PDZD4: variants seen among roughly 807,000 people sequenced by gnomAD.
PDZD4 encodes the protein PDZ domain-containing protein 4.
A neutral mutation model predicts 38.5 loss-of-function variants in PDZD4; 9 were observed. The observed-to-expected ratio is 0.23, with a 90% CI of 0.14 to 0.41. The LOEUF (loss-of-function observed/expected upper bound fraction) is 0.41. Ranked by LOEUF, PDZD4 falls within the 10% of genes least tolerant of loss-of-function variation. The pLI, the probability that PDZD4 is intolerant of heterozygous loss-of-function variation, is 1.00. For synonymous variants in PDZD4, 349 were observed against 315.7 expected (o/e 1.11, Z -1.12); for missense variants, 612 against 722.0 (o/e 0.85, Z 1.75).
At position 153,803,452 on chromosome X, in the gene PDZD4, C is replaced by T. The variant is rs2092187816; in HGVS notation, c.2229G>A (p.Leu743=). 2.6e-6 allele frequency: 3 copies of T among 1,154,239 alleles called. No homozygotes were observed. The highest frequency in any genetic ancestry group is 2.3e-6 in the Non-Finnish European group (2 of 867,582). ...KTMKKRNKKI[L]DNWITIQEML... Reference sequence around the variant, plus strand: ...TCTCCTGGATGGTGATCCAGTTGTCCAGGATCTTCTTGTTCCGCTTCTTCA... The same window carrying T: ...TCTCCTGGATGGTGATCCAGTTGTCTAGGATCTTCTTGTTCCGCTTCTTCA... The change falls in exon 8 of 8, where the codon CTG becomes CTA. Residue 743 remains leucine (L), a synonymous_variant. Transcript: ENST00000393758.
rs1292057825 is a variant in PDZD4, at chrX:153,806,765, C to T, written c.481G>A (p.Asp161Asn). 3 of 1,209,448 alleles carry T rather than the reference C, an allele frequency of 2.5e-6. No homozygotes were observed. Among genetic ancestry groups the T allele is most frequent in the Non-Finnish European group, 2.2e-6 (2 of 894,933 alleles). Reference sequence around the variant, plus strand: ...ACCTCTCCGACATAAATGCCCAGGTCCTCCTCGTCGTCCGTGCGGTAGCAA... The same window carrying T: ...ACCTCTCCGACATAAATGCCCAGGTTCTCCTCGTCGTCCGTGCGGTAGCAA... ...MVCYRTDDEE[D>N]LGIYVGEVNP... The change falls in exon 4 of 8, where the codon GAC (aspartate) becomes AAC (asparagine). Residue 161 changes from aspartate to asparagine, a missense_variant. By Grantham distance (23) the Asp-to-Asn change is conservative. This residue lies in a region of PDZD4 where 225 missense variants were observed against 311.0 expected (regional missense o/e 0.72). Transcript: ENST00000393758.
chrX:153,808,084 C>T, intron 2 of PDZD4: 1 of 1,063,582 alleles, frequency 9.4e-7, no homozygotes, highest in Non-Finnish European at 1.2e-6. Context: ...AGCTGAGGCC[C>T]TCAACCCTGG....
intron 1 of PDZD4, among the ~76,000 whole-genome samples, chrX:153,825,120 G>A (rs1258084284): frequency 8.9e-6 from 1 of 112,896 alleles, no homozygotes; most frequent in Non-Finnish European, 1.9e-5. Flanking sequence ...GGGCTCACAT[G>A]CAGGTGCTTT....
chrX:153,830,408 C>G lies in PDZD4; in HGVS notation c.-110G>C. ...CGGGGCCAGGGGCCATACCCTGGCG[C>G]GGGGGGCGGGCCGCCTAGCGGGGGA... On this transcript the variant is annotated 5_prime_UTR_variant, in exon 1 of 8. Coordinates refer to ENST00000393758, the MANE Select transcript of PDZD4 (RefSeq NM_001303512.2). The G allele has an allele frequency of 2.6e-4, 108 of 411,976 alleles. No individual in the cohort carries two copies. Among genetic ancestry groups the G allele is most frequent in the Non-Finnish European group, 3.2e-4 (84 of 266,620 alleles). The allele number at this position is 411,976 out of a possible 1,213,427, so 34.0% of individuals were successfully genotyped here.
Position 153,803,662 on chromosome X carries a change from C to T in PDZD4, c.2019G>A (p.Val673=), listed in dbSNP as rs1557075401. ...AGTAGCGGCCCATCTTCATCTCGCTCACCGCGTCGTCGTCGGTCGTCATAC... is the reference window on the plus strand; with the variant it reads ...AGTAGCGGCCCATCTTCATCTCGCTTACCGCGTCGTCGTCGGTCGTCATAC... The part of the protein sequence containing the change: ...RSGMTTDDDA[V]SEMKMGRYWS... The change falls in exon 8 of 8, where the codon GTG becomes GTA. Residue 673 remains valine, a synonymous_variant. Coordinates refer to ENST00000393758, the MANE Select transcript of PDZD4 (RefSeq NM_001303512.2). 8.3e-7 allele frequency: 1 copy of T among 1,210,491 alleles called. No homozygotes were observed. Among genetic ancestry groups the T allele is most frequent in the East Asian group, 3.0e-5 (1 of 33,833 alleles).
At chrX:153,823,243 G>T (rs1257664564) in intron 1 of PDZD4, among the ~76,000 whole-genome samples, 1 of 103,941 alleles carries the variant, frequency 9.6e-6, no homozygotes, top group South Asian at 4.5e-4. Flanking sequence ...ATTTTTTTTT[G>T]AGATGGAGTT....
At chrX:153,819,749 G>A (rs1259160636) in intron 1 of PDZD4, among the ~76,000 whole-genome samples, 1 of 112,420 alleles carries the variant, frequency 8.9e-6, no homozygotes, top group Non-Finnish European at 1.9e-5. Context: ...AGAGGAGAAA[G>A]GAGAAGCCGC....
chrX:153,819,145 G>C (rs1191042640), intron 1 of PDZD4, among the ~76,000 whole-genome samples: 2 of 112,775 alleles, frequency 1.8e-5, no homozygotes, highest in Non-Finnish European at 3.8e-5. Flanking sequence ...GCGGGAGCAG[G>C]GCGGACCACA....
At chrX:153,805,325 C>T (rs2092209764) in intron 6 of PDZD4, 118 bp from the exon 7 acceptor site, 2 of 744,437 alleles carry the variant, frequency 2.7e-6, no homozygotes, top group Non-Finnish European at 4.0e-6. Flanking sequence ...CTGGGGGCAG[C>T]GTCCCAGCCC....
rs782601568 is a variant in PDZD4, at chrX:153,815,661, G to A, written c.61-7066C>T. On this transcript the variant is annotated intron_variant, in intron 1 of 7. Transcript: ENST00000393758. ...CTCCAGGTCGGGGAGGGGACCTGGCGGCCTGGAAGGGGACCTGGGGAAGGA... is the reference window on the plus strand; with the variant it reads ...CTCCAGGTCGGGGAGGGGACCTGGCAGCCTGGAAGGGGACCTGGGGAAGGA... Among the ~76,000 whole-genome samples the A allele has an allele frequency of 7.2e-5, 8 of 111,219 alleles. No individual in the cohort carries two copies. The South Asian group carries it at 1.9e-3, about 27-fold the overall frequency.
At chrX:153,813,525 G>C (rs1177342044) in intron 1 of PDZD4, among the ~76,000 whole-genome samples, 1 of 112,654 alleles carries the variant, frequency 8.9e-6, no homozygotes, top group Non-Finnish European at 1.9e-5. Context: ...ACAATTCCTG[G>C]TATTCCGCAT....
chrX:153,804,120 C>G lies in PDZD4; in HGVS notation c.1561G>C (p.Ala521Pro). 8.7e-7 allele frequency: 1 copy of G among 1,150,103 alleles called. No individual in the cohort carries two copies. The highest frequency in any genetic ancestry group is 1.2e-6 in the Non-Finnish European group (1 of 868,186). The allele number at this position is 1,150,103 out of a possible 1,213,427, so 94.8% of individuals were successfully genotyped here. The change falls in exon 8 of 8, where the codon GCC becomes CCC. Residue 521 changes from alanine to proline, a missense_variant. By Grantham distance (27) the Ala-to-Pro change is conservative (BLOSUM62 -1). Around this residue, in one of 3 missense-constraint regions of PDZD4, gnomAD observed 300 missense variants for 284.6 expected, o/e 1.05. Coordinates refer to ENST00000393758, the MANE Select transcript of PDZD4 (RefSeq NM_001303512.2). ...TPPGPAVATP[A>P]KAAPPPGSPA... ...CTCCCCGGTGGAGGAGCTGCCTTGG[C>G]GGGGGTGGCAACAGCGGGGCCGGGA... is the stretch of plus-strand genomic sequence containing the variant.
At chrX:153,820,580 C>T (rs1557081062) in intron 1 of PDZD4, among the ~76,000 whole-genome samples, 1 of 110,850 alleles carries the variant, frequency 9.0e-6, no homozygotes, top group Non-Finnish European at 1.9e-5. Context: ...ATATTACATT[C>T]GGTTGTTAGG....
At chrX:153,819,352 G>A (rs1557080724) in intron 1 of PDZD4, among the ~76,000 whole-genome samples, 5 of 113,113 alleles carry the variant, frequency 4.4e-5, no homozygotes. Context: ...GCCGAGAAGA[G>A]AGGCCGGAGA....
chrX:153,803,966 T>C lies in PDZD4; in HGVS notation c.1715A>G (p.Tyr572Cys). Reference protein sequence around the residue: ...LERVGPESSPYLSRRHRGQGQ... With the variant: ...LERVGPESSPCLSRRHRGQGQ... Reference sequence around the variant, plus strand: ...CTGGCCGCGGTGGCGCCGCGAGAGGTAAGGGCTGCTTTCAGGGCCCACACG... The same window carrying C: ...CTGGCCGCGGTGGCGCCGCGAGAGGCAAGGGCTGCTTTCAGGGCCCACACG... Residue 572 changes from tyrosine to cysteine, a missense_variant, in exon 8 of 8, where the codon TAC becomes TGC. Tyr to Cys is a radical substitution (Grantham distance 194, BLOSUM62 -2). This residue lies in a region of PDZD4 where 300 missense variants were observed against 284.6 expected (regional missense o/e 1.05). Transcript: ENST00000393758. 1.7e-6 allele frequency: 2 copies of C among 1,161,982 alleles called. No homozygotes were observed. The highest frequency in any genetic ancestry group is 2.3e-6 in the Non-Finnish European group (2 of 871,911).
Position 153,804,909 on chromosome X carries a change from G to C in PDZD4, c.781-9C>G. On this transcript the variant is annotated splice_polypyrimidine_tract_variant and intron_variant, in intron 7 of 7. Coordinates refer to ENST00000393758, the MANE Select transcript of PDZD4 (RefSeq NM_001303512.2). Reference sequence around the variant, plus strand: ...TCCTCTTCGTTTCCGGGCTAGAGCAGAAAGGTAAGTACCGCTCAGTTAGGT... The same window carrying C: ...TCCTCTTCGTTTCCGGGCTAGAGCACAAAGGTAAGTACCGCTCAGTTAGGT... The C allele has an allele frequency of 8.3e-7, 1 of 1,202,777 alleles. No individual in the cohort carries two copies. The highest frequency in any genetic ancestry group is 1.1e-6 in the Non-Finnish European group (1 of 889,984).
intron 1 of PDZD4, among the ~76,000 whole-genome samples, chrX:153,819,040 G>T (rs1413032304): frequency 8.9e-6 from 1 of 112,649 alleles, no homozygotes; most frequent in Non-Finnish European, 1.9e-5. Context: ...CGCCCTAGGC[G>T]GAGAGGGCGG....
intron 1 of PDZD4, among the ~76,000 whole-genome samples, chrX:153,825,586 A>C (rs1157659647): frequency 1.8e-5 from 2 of 112,373 alleles, no homozygotes; most frequent in Non-Finnish European, 3.8e-5. Context: ...CATGATTGGA[A>C]TATAGGAATG....
chrX:153,803,104 G>A lies in PDZD4; in HGVS notation c.*249C>T, dbSNP rs1399031920. On this transcript the variant is annotated 3_prime_UTR_variant, in exon 8 of 8. Transcript: ENST00000393758. ...CACAGCTGAAGGGGTGCCCATCACA[G>A]GTGTGCCCCCAGTGCTGGCCACTGG... 1 of 283,007 alleles carries A rather than the reference G, an allele frequency of 3.5e-6. No individual in the cohort carries two copies. Among genetic ancestry groups the A allele is most frequent in the Non-Finnish European group, 6.2e-6 (1 of 161,247 alleles). The allele number at this position is 283,007 out of a possible 1,213,427, so 23.3% of individuals were successfully genotyped here.
Sources: gnomAD v4.1 joint callset for allele counts (sites outside exome capture counted in the v4.1 genomes callset) on GRCh38, gnomAD v4.1.1 for gene constraint, gnomAD v4.1.1 regional missense constraint, MANE v1.5 for transcripts, NCBI Gene and HGNC (gene_info 2026-07-23, HGNC 2026-07-21) for gene names.